LRRC4C: variants seen among roughly 807,000 people sequenced by gnomAD.
LRRC4C encodes the protein leucine rich repeat containing 4C.
A neutral mutation model predicts 33.6 loss-of-function variants in LRRC4C; 5 were observed. That is an observed-to-expected ratio of 0.15 (90% confidence interval 0.08 to 0.31). The LOEUF is 0.31. Ranked by LOEUF, LRRC4C falls within the 10% of genes least tolerant of loss-of-function variation. The pLI is 1.00. For synonymous variants in LRRC4C, 329 were observed against 302.0 expected, an observed-to-expected ratio of 1.09 and a Z score of -0.93; for missense variants, 560 against 796.7, an observed-to-expected ratio of 0.70 and a Z score of 3.58.
chr11:41,398,639 C>T (rs759541383), intron 1 of LRRC4C, among the ~76,000 whole-genome samples: 1 of 151,876 alleles, frequency 6.6e-6, no homozygotes, highest in Non-Finnish European at 1.5e-5. Flanking sequence ...GATTTCAATT[C>T]TTCCTTGTTG....
intron 1 of LRRC4C, among the ~76,000 whole-genome samples, chr11:41,060,207 G>A (rs149009747): frequency 5.3e-5 from 8 of 152,252 alleles, no homozygotes; most frequent in African/African-American, 1.9e-4. Context: ...TGGGGAGATT[G>A]TAATCATAGA....
rs548703695 is a variant in LRRC4C at position 40,344,263 on chromosome 11, G to C, written c.-269-24542C>G. ...TGCAAAAATCATCAACAAGACACTAGAAAACCAAACCCAGCAGCACATTAA... is the reference window on the plus strand; with the variant it reads ...TGCAAAAATCATCAACAAGACACTACAAAACCAAACCCAGCAGCACATTAA... On this transcript the variant is annotated intron_variant, in intron 3 of 6. Coordinates refer to ENST00000528697, the MANE Select transcript of LRRC4C (RefSeq NM_001258419.2). Among the ~76,000 whole-genome samples the C allele has an allele frequency of 2.6e-5, 4 of 152,134 alleles. No individual in the cohort carries two copies. In the South Asian group the frequency reaches 8.3e-4, roughly 32 times the overall value.
At chr11:40,888,428 C>A (rs1013189707) in intron 2 of LRRC4C, among the ~76,000 whole-genome samples, 3 of 151,652 alleles carry the variant, frequency 2.0e-5, no homozygotes, top group Non-Finnish European at 4.4e-5. Flanking sequence ...TGTATATGTT[C>A]GAAGATTACC....
intron 3 of LRRC4C, among the ~76,000 whole-genome samples, chr11:40,541,090 A>AAAAAACTT (rs1956690517): frequency 6.6e-6 from 1 of 152,208 alleles, no homozygotes; most frequent in Admixed American, 6.5e-5. Flanking sequence ...GAGGCACACA[A>AAAAAACTT]AAAAACTTAA....
At chr11:41,081,869 G>A (rs577717683) in intron 1 of LRRC4C, among the ~76,000 whole-genome samples, 72 of 152,208 alleles carry the variant, frequency 4.7e-4, no homozygotes, top group Non-Finnish European at 8.4e-4. Flanking sequence ...CTACTGCTCT[G>A]TTAATTATGC....
At chr11:40,190,676 T>C (rs145712226) in intron 5 of LRRC4C, among the ~76,000 whole-genome samples, 2 of 152,322 alleles carry the variant, frequency 1.3e-5, no homozygotes, top group East Asian at 1.9e-4. Context: ...GGGGGGATTT[T>C]AATGAAGTCA....
chr11:41,173,575 G>A (rs879727067), intron 1 of LRRC4C, among the ~76,000 whole-genome samples: 2 of 151,982 alleles, frequency 1.3e-5, no homozygotes, highest in African/African-American at 2.4e-5. Context: ...ATTGGTCTAG[G>A]TAGCTCATAC....
In LRRC4C at chr11:40,368,021, C is replaced by A. The variant is rs917650581; in HGVS notation, c.-269-48300G>T. Among the ~76,000 whole-genome samples, 12 of 152,222 alleles carry A rather than the reference C, an allele frequency of 7.9e-5. 1 individual carries two copies. The highest frequency in any genetic ancestry group is 7.8e-4 in the Admixed American group (12 of 15,288). On this transcript the variant is annotated intron_variant, in intron 3 of 6. Transcript: ENST00000528697. ...TGCATGTCACTGACCGTCTTGGCAG[C>A]TATATTTTTATTCATCAGACTGTTT...
At chr11:40,729,189 G>T (rs1947438843) in intron 2 of LRRC4C, among the ~76,000 whole-genome samples, 1 of 152,082 alleles carries the variant, frequency 6.6e-6, no homozygotes, top group South Asian at 2.1e-4. Flanking sequence ...TGTTCAGTTG[G>T]TTCCAGAATA....
chr11:40,826,233 G>A (rs1952163956), intron 2 of LRRC4C, among the ~76,000 whole-genome samples: 1 of 151,930 alleles, frequency 6.6e-6, no homozygotes, highest in South Asian at 2.1e-4. Context: ...TTTCTTTGCA[G>A]TCAATATGTA....
chr11:40,169,050 C>A (rs551831136), intron 5 of LRRC4C, among the ~76,000 whole-genome samples: 1 of 151,990 alleles, frequency 6.6e-6, no homozygotes, highest in South Asian at 2.1e-4. Context: ...AACTTTGCAA[C>A]GGAGCATTTT....
At chr11:40,217,125 A>AT (rs1259410815) in intron 5 of LRRC4C, among the ~76,000 whole-genome samples, 4 of 152,240 alleles carry the variant, frequency 2.6e-5, no homozygotes, top group East Asian at 1.9e-4. Flanking sequence ...GGAATTAACA[A>AT]TTTTTTTATC....
intron 3 of LRRC4C, among the ~76,000 whole-genome samples, chr11:40,403,923 C>G (rs1009755791): frequency 2.0e-5 from 3 of 152,096 alleles, no homozygotes; most frequent in South Asian, 4.1e-4. Context: ...TTTTTTCACT[C>G]CACTGAATTC....
intron 3 of LRRC4C, among the ~76,000 whole-genome samples, chr11:40,571,003 C>T (rs1400725331): frequency 6.6e-6 from 1 of 152,018 alleles, no homozygotes; most frequent in Non-Finnish European, 1.5e-5. Context: ...TGATGCAAAA[C>T]TATATCATGA....
intron 1 of LRRC4C, among the ~76,000 whole-genome samples, chr11:41,230,906 C>CAA (rs200070136): frequency 0.014 from 1,476 of 104,640 alleles, 31 homozygotes; most frequent in African/African-American, 0.052. Context: ...AACAAATTTA[C>CAA]AAAAAAAAAA....
intron 4 of LRRC4C, among the ~76,000 whole-genome samples, chr11:40,251,128 G>A (rs1160276942): frequency 6.6e-6 from 1 of 152,120 alleles, no homozygotes; most frequent in Non-Finnish European, 1.5e-5. Flanking sequence ...TCAGAAAGGA[G>A]GTCACTGAGA....
At chr11:40,500,108 T>A (rs1954670898) in intron 3 of LRRC4C, among the ~76,000 whole-genome samples, 1 of 151,988 alleles carries the variant, frequency 6.6e-6, no homozygotes, top group South Asian at 2.1e-4. Flanking sequence ...TTATGGATTC[T>A]GGAATCAAAG....
At chr11:40,389,879 A>G (rs1949270578) in intron 3 of LRRC4C, among the ~76,000 whole-genome samples, 1 of 152,214 alleles carries the variant, frequency 6.6e-6, no homozygotes, top group Non-Finnish European at 1.5e-5. Flanking sequence ...AGGATTTCTT[A>G]CAATAGGATA....
intron 4 of LRRC4C, among the ~76,000 whole-genome samples, chr11:40,269,774 A>T (rs1942549922): frequency 6.7e-6 from 1 of 150,326 alleles, no homozygotes; most frequent in African/African-American, 2.5e-5. Context: ...CCTTTCCAAG[A>T]GTAAAAATCC....
Sources: allele counts gnomAD v4.1 joint callset (sites outside exome capture counted in the v4.1 genomes callset), GRCh38; gene constraint gnomAD v4.1.1; transcripts MANE v1.5; gene names NCBI Gene and HGNC (gene_info 2026-07-23, HGNC 2026-07-21).